Variants in PCNX3 observed in about 807,000 individuals in gnomAD.
The protein encoded by PCNX3 is pecanex-like protein 3.
A neutral mutation model predicts 207.2 loss-of-function variants in PCNX3; 58 were observed. That is an observed-to-expected ratio of 0.28 (90% CI 0.23 to 0.35). The LOEUF (loss-of-function observed/expected upper bound fraction) is 0.35, where lower values mean the gene tolerates loss of function less well. PCNX3 is among the 10% of genes least tolerant of loss of function. PCNX3 has a pLI of 1.00. For missense variants in PCNX3, 2,410 were observed against 2,774.4 expected (o/e 0.87, Z 2.95); for synonymous variants, 1,337 against 1,183.5 (o/e 1.13, Z -2.66).
At chr11:65,636,048 TAGAGG>T in intron 32 of PCNX3, 121 bp from the exon 33 acceptor site, 2 of 1,417,788 alleles carry the variant, frequency 1.4e-6, no homozygotes, top group Non-Finnish European at 1.9e-6. Flanking sequence ...GGCAGCTTCT[TAGAGG>T]GGAGGATCCT....
At position 65,616,964 on chromosome 11, in the gene PCNX3, G is replaced by A. The variant is rs1854768941; in HGVS notation, c.294G>A (p.Met98Ile). The A allele has an allele frequency of 1.2e-6, 2 of 1,613,084 alleles. No homozygotes were observed. The highest frequency in any genetic ancestry group is 1.7e-6 in the Non-Finnish European group (2 of 1,179,772). Reference sequence around the variant, plus strand: ...TCGTGGAGAAGCGCAGCTCTACCATGGGGGAGCTGGAGGAAGAGCCTGCCC... The same window carrying A: ...TCGTGGAGAAGCGCAGCTCTACCATAGGGGAGCTGGAGGAAGAGCCTGCCC... ...GEIVEKRSST[M>I]GELEEEPAQG... The change falls in exon 2 of 35, where the codon ATG becomes ATA. Residue 98 changes from methionine to isoleucine, a missense_variant. Around this residue, in one of 8 missense-constraint regions of PCNX3, gnomAD observed 1,104 missense variants for 970.3 expected, o/e 1.14. Coordinates refer to ENST00000355703, the MANE Select transcript of PCNX3 (RefSeq NM_032223.4).
At position 65,624,275 on chromosome 11, in the gene PCNX3, G is replaced by A. The variant is rs768422307; in HGVS notation, c.2625G>A (p.Leu875=). 4 of 1,598,542 alleles carry A rather than the reference G, an allele frequency of 2.5e-6. No individual in the cohort carries two copies. In the South Asian group the frequency reaches 4.5e-5, roughly 18 times the overall value. ...CCLLIWLLDA[L]GSAQPFPPVS... ...TGCTCATCTGGCTGCTGGACGCCCTGGGCTCAGCTCAGCCCTTCCCACCTG... is the reference window on the plus strand; with the variant it reads ...TGCTCATCTGGCTGCTGGACGCCCTAGGCTCAGCTCAGCCCTTCCCACCTG... Residue 875 remains leucine (L), a synonymous_variant, in exon 14 of 35, where the codon CTG becomes CTA. Coordinates refer to ENST00000355703, the MANE Select transcript of PCNX3 (RefSeq NM_032223.4).
At chr11:65,631,961 G>C (rs1256989701) in intron 27 of PCNX3, among the ~76,000 whole-genome samples, 1 of 152,162 alleles carries the variant, frequency 6.6e-6, no homozygotes, top group Non-Finnish European at 1.5e-5. Context: ...GCAAGGATTT[G>C]TGAGACCACC....
chr11:65,617,670 C>A lies in PCNX3; in HGVS notation c.541C>A (p.Arg181=). Residue 181 remains arginine, a synonymous_variant, in exon 5 of 35, where the codon CGA becomes AGA. Transcript: ENST00000355703. ...SNNVIVTSAD[R]EMLKLSSQEK... is the part of the protein sequence containing the mutation. ...CAATGTGATCGTGACTTCTGCCGAC[C>A]GAGAGATGCTGAAGCTCAGCTCGCA... The A allele has an allele frequency of 1.3e-6, 2 of 1,584,536 alleles. No individual in the cohort carries two copies. Among genetic ancestry groups the A allele is most frequent in the African/African-American group, 1.3e-5 (1 of 74,522 alleles).
intron 8 of PCNX3, among the ~76,000 whole-genome samples, 178 bp from the exon 9 acceptor site, chr11:65,620,161 G>A (rs1258361933): frequency 3.9e-5 from 6 of 152,222 alleles, no homozygotes; most frequent in Non-Finnish European, 8.8e-5. Flanking sequence ...GCTAGGACAG[G>A]TGACTGCCGC....
intron 27 of PCNX3, among the ~76,000 whole-genome samples, chr11:65,632,031 G>A (rs535472508): frequency 2.0e-5 from 3 of 152,270 alleles, no homozygotes; most frequent in Admixed American, 6.5e-5. Flanking sequence ...CCAGGTCACC[G>A]AGAGGTCATG....
In PCNX3 at chr11:65,636,616, G is replaced by C. The variant is rs200436875; in HGVS notation, c.5819G>C (p.Gly1940Ala). ...CCCAGTGGAAAGTGGAGCCTGGGGG[G>C]CCGGAAGGGGCTGGGAGGATCTGAC... Reference protein sequence around the residue: ...EGPSGKWSLGGRKGLGGSDGE... With the variant: ...EGPSGKWSLGARKGLGGSDGE... Residue 1940 changes from glycine to alanine, a missense_variant, in exon 34 of 35, where the codon GGC (glycine) becomes GCC (alanine). Gly to Ala is a moderately conservative substitution (Grantham distance 60). Coordinates refer to ENST00000355703, the MANE Select transcript of PCNX3 (RefSeq NM_032223.4). 9.9e-4 allele frequency: 1,571 copies of C among 1,584,588 alleles called. 1 individual carries two copies. Among genetic ancestry groups the C allele is most frequent in the Non-Finnish European group, 1.2e-3 (1,386 of 1,167,872 alleles).
chr11:65,631,675 T>A (rs1565169965), intron 27 of PCNX3, among the ~76,000 whole-genome samples: 1 of 151,896 alleles, frequency 6.6e-6, no homozygotes, highest in Non-Finnish European at 1.5e-5. Flanking sequence ...AAAAGGAATT[T>A]TGAGGCTTGT....
At chr11:65,626,441 G>A (rs1855395702) in intron 20 of PCNX3, 2 of 405,650 alleles carry the variant, frequency 4.9e-6, no homozygotes, top group South Asian at 4.2e-5. Flanking sequence ...AAATCCTGGA[G>A]CCTCTATTTT....
chr11:65,627,624 G>A (rs1191367899), intron 22 of PCNX3, 42 bp downstream of exon 22: 1 of 1,596,742 alleles, frequency 6.3e-7, no homozygotes, highest in Admixed American at 1.7e-5. Context: ...CTGTCCAATG[G>A]GAGCAGAGCC....
chr11:65,623,389 C>T, intron 11 of PCNX3, 102 bp from the exon 12 acceptor site: 1 of 1,412,266 alleles, frequency 7.1e-7, no homozygotes, highest in African/African-American at 1.4e-5. Flanking sequence ...CTGGCATGGG[C>T]ACAGTCCCAG....
intron 2 of PCNX3, 35 bp downstream of exon 2, chr11:65,617,046 GT>G (rs1290282940): frequency 4.5e-6 from 7 of 1,561,744 alleles, no homozygotes; most frequent in Non-Finnish European, 3.5e-6. Context: ...GGGATTGAGG[GT>G]TTTTGGTGCC....
At chr11:65,632,728 G>T (rs944931659) in intron 27 of PCNX3, among the ~76,000 whole-genome samples, 1 of 148,934 alleles carries the variant, frequency 6.7e-6, no homozygotes, top group Admixed American at 6.8e-5. Context: ...CTCCTCTCCC[G>T]GTCCCTGAAG....
chr11:65,622,143 G>C (rs750314321), intron 10 of PCNX3, 102 bp from the exon 11 acceptor site: 5 of 1,464,880 alleles, frequency 3.4e-6, no homozygotes, highest in Admixed American at 2.2e-5. Flanking sequence ...TGTGCTGAAG[G>C]GGGGTAACAG....
In PCNX3 at chr11:65,636,791, T is replaced by C. The variant is rs748609226; in HGVS notation, c.5918T>C (p.Leu1973Pro). 4 of 1,525,016 alleles carry C rather than the reference T, an allele frequency of 2.6e-6. No homozygotes were observed. The South Asian group carries it at 4.8e-5, about 18-fold the overall frequency. 94.5% of individuals were successfully genotyped at this position (1,525,016 alleles called of 1,614,324 possible). ...GCGCCTCTAGACCTCAGCCTCAGCC[T>C]CAGCCTCAGCCTCAGCCCCGATGTC... ...SQAPLDLSLS[L>P]SLSLSPDVST... Residue 1973 changes from leucine to proline, a missense_variant, in exon 35 of 35, where the codon CTC becomes CCC. Leu to Pro is a moderately conservative substitution (Grantham distance 98, BLOSUM62 -3). Around this residue, in one of 8 missense-constraint regions of PCNX3, gnomAD observed 278 missense variants for 245.1 expected, o/e 1.13. Transcript: ENST00000355703.
At chr11:65,620,771 G>A (rs1253726916) in intron 9 of PCNX3, 60 bp from the exon 10 acceptor site, 22 of 1,562,954 alleles carry the variant, frequency 1.4e-5, no homozygotes, top group Admixed American at 1.9e-5. Flanking sequence ...CCTCGGCCTC[G>A]ACCCCACCCA....
In PCNX3 at chr11:65,619,024, C is replaced by A; in HGVS notation, c.1662C>A (p.Pro554=). ...EARRGPAANQ[P]GWRGELQEEG... ...GAAGGGGACCCGCTGCCAACCAGCC[C>A]GGCTGGCGGGGGGAGCTGCAGGAGG... The change falls in exon 6 of 35, where the codon CCC becomes CCA. Residue 554 remains proline (P), a synonymous_variant. Transcript: ENST00000355703. 1 of 1,594,310 alleles carries A rather than the reference C, an allele frequency of 6.3e-7. No homozygotes were observed. The highest frequency in any genetic ancestry group is 1.3e-5 in the African/African-American group (1 of 74,798).
chr11:65,635,874 CAGAG>C lies in PCNX3; in HGVS notation c.5459+72_5459+75del, dbSNP rs949298119. 56 of 1,503,334 alleles carry C rather than the reference CAGAG, an allele frequency of 3.7e-5. No homozygotes were observed. In the African/African-American group the frequency reaches 4.3e-4, roughly 11 times the overall value. The allele number at this position is 1,503,334 out of a possible 1,614,324, so 93.1% of individuals were successfully genotyped here. The stretch of plus-strand genomic sequence containing the variant: ...GGTGCAGTACGTCCCTCCTGGGTCT[CAGAG>C]GGAGGACGTGCTGGAGCCAGGGCTT... On this transcript the variant is annotated intron_variant, in intron 32 of 34. Transcript: ENST00000355703. The surrounding 1 kb of genome is among the most constrained non-coding windows in gnomAD (Gnocchi z 9.9).
intron 26 of PCNX3, among the ~76,000 whole-genome samples, 195 bp downstream of exon 26, chr11:65,629,930 C>A (rs959222697): frequency 1.3e-5 from 2 of 152,196 alleles, no homozygotes; most frequent in African/African-American, 4.8e-5. Context: ...CTTGGCCAAG[C>A]CCTGTGCCTG....
Sources: allele counts gnomAD v4.1 joint callset (sites outside exome capture counted in the v4.1 genomes callset), GRCh38; gene constraint gnomAD v4.1.1; regional missense constraint gnomAD v4.1.1; non-coding constraint Gnocchi (gnomAD v3.1); transcripts MANE v1.5; gene names NCBI Gene and HGNC (gene_info 2026-07-23, HGNC 2026-07-21).